The following AOPEP variants were observed in gnomAD, a reference collection of about 807,000 sequenced individuals.
AOPEP encodes the protein aminopeptidase O.
Under a neutral mutation model 98.1 loss-of-function variants are expected in AOPEP, and 77 were observed. The observed-to-expected ratio is 0.78, with a 90% CI of 0.65 to 0.95. AOPEP has a LOEUF of 0.95. AOPEP is among the 40% of genes least tolerant of loss of function. The probability of loss-of-function intolerance (pLI) is 0.00; values close to 1 mark genes in which losing one functional copy is unlikely to be tolerated. For synonymous variants in AOPEP, 346 were observed against 365.3 expected (o/e 0.95, Z 0.60); for missense variants, 1,024 against 1,024.7 (o/e 1.00, Z 0.01).
chr9:94,872,397 A>G (rs1386995418), intron 5 of AOPEP, among the ~76,000 whole-genome samples: 1 of 152,186 alleles, frequency 6.6e-6, no homozygotes, highest in Admixed American at 6.5e-5. Flanking sequence ...TACATGGCAA[A>G]AATGGGCCCA....
chr9:95,005,876 C>T (rs1310735279), intron 13 of AOPEP: 5 of 562,450 alleles, frequency 8.9e-6, no homozygotes, highest in South Asian at 6.1e-5. Flanking sequence ...TAAGTGGGTT[C>T]CATTATTATT....
chr9:95,104,337 G>T, the AOPEP span, among the ~76,000 whole-genome samples: 1 of 152,232 alleles, frequency 6.6e-6, no homozygotes. Flanking sequence ...CCCTGACAGA[G>T]TCAGTGCATG....
rs181880051 is a variant in AOPEP at position 95,044,712 on chromosome 9, C to T, written c.2116-15982C>T. On this transcript the variant is annotated intron_variant, in intron 13 of 16. Transcript: ENST00000375315. ...GACTGGAAATGAGCATAGTGACCTG[C>T]ACACATAGGGCATACATGTCACTGT... 5.2e-4 allele frequency among the ~76,000 whole-genome samples: 79 copies of T among 152,216 alleles called. 1 individual carries two copies. Among genetic ancestry groups the T allele is most frequent in the Admixed American group, 5.0e-3 (77 of 15,302 alleles).
chr9:94,871,606 C>T (rs1490870021), intron 5 of AOPEP, among the ~76,000 whole-genome samples: 3 of 152,190 alleles, frequency 2.0e-5, no homozygotes, highest in Non-Finnish European at 2.9e-5. Flanking sequence ...AACCTCTTAT[C>T]AACTTGATTG....
intron 14 of AOPEP, 65 bp from the exon 15 acceptor site, chr9:95,080,629 C>A: frequency 8.5e-7 from 1 of 1,172,618 alleles, no homozygotes; most frequent in Non-Finnish European, 1.3e-6. Flanking sequence ...CTGCCTGTCA[C>A]TGGGCCCGGT....
At chr9:94,853,310 A>C (rs2043785233) in intron 5 of AOPEP, among the ~76,000 whole-genome samples, 1 of 152,104 alleles carries the variant, frequency 6.6e-6, no homozygotes, top group African/African-American at 2.4e-5. Context: ...AAATACAAAA[A>C]TTAGCCGGGT....
intron 5 of AOPEP, among the ~76,000 whole-genome samples, chr9:94,853,396 G>A (rs1588549570): frequency 6.6e-6 from 1 of 152,030 alleles, no homozygotes; most frequent in East Asian, 1.9e-4. Flanking sequence ...GGAAGTGGAG[G>A]TTGCAGTGAG....
chr9:94,942,328 C>T (rs7032479), intron 7 of AOPEP, among the ~76,000 whole-genome samples: 1,642 of 152,262 alleles, frequency 0.011, 34 homozygotes, highest in African/African-American at 0.038. Flanking sequence ...TTGCTTACTT[C>T]CTGTGCCCCT....
intron 3 of AOPEP, among the ~76,000 whole-genome samples, chr9:94,786,966 T>C (rs1844569002): frequency 6.6e-6 from 1 of 152,128 alleles, no homozygotes; most frequent in South Asian, 2.1e-4. Context: ...TGAGCTCTAC[T>C]AAGTAGAGGA....
In AOPEP at chr9:94,749,922, T is replaced by C. The variant is rs930081937; in HGVS notation, c.-135-9727T>C. On this transcript the variant is annotated intron_variant, in intron 1 of 16. Transcript: ENST00000375315. ...CTTATTTCTTTTATGTCTAGTATTA[T>C]GTTTTATTTTAGACATTGTATTTGA... Among the ~76,000 whole-genome samples, 3 of 152,100 alleles carry C rather than the reference T, an allele frequency of 2.0e-5. No individual in the cohort carries two copies. The East Asian group carries it at 5.8e-4, about 29-fold the overall frequency.
Position 94,941,432 on chromosome 9 carries a change from C to T in AOPEP, c.1661+12901C>T, listed in dbSNP as rs1486936880. ...TATTTGAACCACATACACTAACAAG[C>T]GACCTGTGAAGAGTGTTTCTACCTG... is the stretch of plus-strand genomic sequence containing the variant. On this transcript the variant is annotated intron_variant, in intron 7 of 16. Coordinates refer to ENST00000375315, the MANE Select transcript of AOPEP (RefSeq NM_001193329.3). 3.9e-5 allele frequency among the ~76,000 whole-genome samples: 6 copies of T among 152,218 alleles called. No individual in the cohort carries two copies. In the South Asian group the frequency reaches 8.3e-4, roughly 21 times the overall value.
chr9:95,085,630 G>A (rs567623452), intron 16 of AOPEP: 34 of 380,826 alleles, frequency 8.9e-5, no homozygotes, highest in African/African-American at 2.8e-4. Flanking sequence ...GGTGCGGAGC[G>A]CGATCCTGGA....
chr9:95,089,307 C>T (rs1435411672), downstream of AOPEP, among the ~76,000 whole-genome samples: 1 of 152,192 alleles, frequency 6.6e-6, no homozygotes, highest in African/African-American at 2.4e-5. Context: ...GATCAAAGGG[C>T]GTGTGACAAC....
chr9:95,005,232 C>CGGCGCGGTCCCTGCGCCCCGGT lies in AOPEP; in HGVS notation c.2040+18_2040+39dup, dbSNP rs2061899875. The CGGCGCGGTCCCTGCGCCCCGGT allele has an allele frequency of 1.8e-6, 2 of 1,088,416 alleles. No homozygotes were observed. Among genetic ancestry groups the CGGCGCGGTCCCTGCGCCCCGGT allele is most frequent in the African/African-American group, 1.7e-5 (1 of 59,268 alleles). 67.4% of individuals were successfully genotyped at this position (1,088,416 alleles called of 1,614,324 possible). On this transcript the variant is annotated intron_variant, in intron 12 of 16. Coordinates refer to ENST00000375315, the MANE Select transcript of AOPEP (RefSeq NM_001193329.3). ...AAGTGCGCGCCGAGGTGAGTGCGGG[C>CGGCGCGGTCCCTGCGCCCCGGT]GGCGCGGTCCCTGCGCCCCGGTGGC... is the stretch of plus-strand genomic sequence containing the variant.
chr9:95,112,842 C>G, the AOPEP span, among the ~76,000 whole-genome samples: 1 of 152,220 alleles, frequency 6.6e-6, no homozygotes, highest in South Asian at 2.1e-4. Context: ...GGGAGCCCCA[C>G]GAGGTCTAAG....
chr9:94,875,512 G>C (rs755373445), intron 5 of AOPEP, among the ~76,000 whole-genome samples: 35 of 152,158 alleles, frequency 2.3e-4, no homozygotes, highest in Admixed American at 2.0e-3. Context: ...CAGCTGAATT[G>C]GTTTATACCT....
chr9:94,859,884 A>G (rs1339117826), intron 5 of AOPEP, among the ~76,000 whole-genome samples: 77 of 152,384 alleles, frequency 5.1e-4, no homozygotes, highest in Non-Finnish European at 8.8e-5. Context: ...TAAATTCAGC[A>G]GACACTTATT....
intron 5 of AOPEP, chr9:94,824,876 G>GCT (rs1554728051): frequency 1.4e-5 from 2 of 139,706 alleles, no homozygotes; most frequent in East Asian, 4.1e-4. Context: ...TTTGGTGAGT[G>GCT]TTTTTTTTTT....
the AOPEP span, among the ~76,000 whole-genome samples, chr9:95,097,449 C>G: frequency 6.6e-6 from 1 of 152,172 alleles, no homozygotes; most frequent in African/African-American, 2.4e-5. Context: ...TGCACCTGGG[C>G]AGGGGTGTGG....
Sources: allele counts gnomAD v4.1 joint callset (sites outside exome capture counted in the v4.1 genomes callset), GRCh38; gene constraint gnomAD v4.1.1; transcripts MANE v1.5; gene names NCBI Gene and HGNC (gene_info 2026-07-23, HGNC 2026-07-21).